EVI5: variants seen among roughly 807,000 people sequenced by gnomAD.
EVI5 encodes the protein ecotropic viral integration site 5, also known as ecotropic viral integration site 5 protein homolog.
EVI5 carries 73 observed loss-of-function variants against 112.0 expected under a neutral mutation model. The observed-to-expected ratio is 0.65, with a 90% CI of 0.54 to 0.79. The LOEUF (loss-of-function observed/expected upper bound fraction) is 0.79, where lower values mean the gene tolerates loss of function less well. Ranked by LOEUF, EVI5 falls within the 30% of genes least tolerant of loss-of-function variation. The pLI is 0.00. For missense variants in EVI5, 900 were observed against 968.8 expected (o/e 0.93, Z 0.94); for synonymous variants, 305 against 319.9 (o/e 0.95, Z 0.50).
At position 92,719,143 on chromosome 1, in the gene EVI5, T is replaced by C. The variant is rs188180521; in HGVS notation, c.150-14399A>G. On this transcript the variant is annotated intron_variant, in intron 2 of 19. Transcript: ENST00000684568. ...AAAGAGGAGATGGTACCATTTCTTC[T>C]GAAAATATTCCAATCAATAGAAAAA... 9.3e-5 allele frequency among the ~76,000 whole-genome samples: 14 copies of C among 150,876 alleles called. No homozygotes were observed. In the East Asian group the frequency reaches 2.7e-3, roughly 29 times the overall value.
At chr1:92,666,161 G>A (rs898649739) in intron 10 of EVI5, among the ~76,000 whole-genome samples, 169 bp from the exon 11 acceptor site, 1 of 151,952 alleles carries the variant, frequency 6.6e-6, no homozygotes, top group Non-Finnish European at 1.5e-5. Flanking sequence ...CAGAAGGCAG[G>A]GCACCATGGT....
At chr1:92,780,151 G>C (rs927177352) in intron 1 of EVI5, among the ~76,000 whole-genome samples, 3 of 152,204 alleles carry the variant, frequency 2.0e-5, no homozygotes, top group African/African-American at 7.2e-5. Context: ...TGGTTTTACA[G>C]GGGGCTTCAC....
intron 16 of EVI5, among the ~76,000 whole-genome samples, chr1:92,623,102 C>A (rs1157750897): frequency 6.6e-6 from 1 of 151,992 alleles, no homozygotes; most frequent in Non-Finnish European, 1.5e-5. Flanking sequence ...AGTATCTATA[C>A]TAAAATAAAA....
chr1:92,613,225 A>G (rs892560269), intron 16 of EVI5, among the ~76,000 whole-genome samples: 3 of 152,222 alleles, frequency 2.0e-5, no homozygotes, highest in Admixed American at 1.3e-4. Flanking sequence ...GGTGGGCAGG[A>G]GCACTAAAGA....
At chr1:92,687,395 T>C (rs540089379) in intron 9 of EVI5, among the ~76,000 whole-genome samples, 194 of 152,060 alleles carry the variant, frequency 1.3e-3, no homozygotes, top group Non-Finnish European at 2.5e-3. Flanking sequence ...TAATTCAAGA[T>C]GGATTAAAGA....
intron 9 of EVI5, among the ~76,000 whole-genome samples, chr1:92,681,525 G>C (rs1297568577): frequency 6.6e-6 from 1 of 152,088 alleles, no homozygotes; most frequent in Non-Finnish European, 1.5e-5. Context: ...ATGTAGTAAG[G>C]GAACCTATGA....
At chr1:92,540,472 A>T (rs1166546052) in intron 19 of EVI5, among the ~76,000 whole-genome samples, 1 of 152,222 alleles carries the variant, frequency 6.6e-6, no homozygotes, top group Non-Finnish European at 1.5e-5. Context: ...GCCATCTGGT[A>T]TATCATTTTT....
chr1:92,615,063 G>C (rs1318074471), intron 16 of EVI5, among the ~76,000 whole-genome samples: 1 of 151,834 alleles, frequency 6.6e-6, no homozygotes, highest in Non-Finnish European at 1.5e-5. Context: ...AAAATGCTAA[G>C]GACTCTACTT....
intron 18 of EVI5, among the ~76,000 whole-genome samples, chr1:92,583,811 A>G (rs1672352808): frequency 6.6e-6 from 1 of 151,448 alleles, no homozygotes; most frequent in African/African-American, 2.4e-5. Flanking sequence ...AAATTTTCAC[A>G]TATTAACTTT....
At chr1:92,515,115 T>A (rs1659657803) in intron 19 of EVI5, among the ~76,000 whole-genome samples, 1 of 152,192 alleles carries the variant, frequency 6.6e-6, no homozygotes, top group African/African-American at 2.4e-5. Flanking sequence ...TCATCTCTTT[T>A]CCCTTTCTTC....
intron 1 of EVI5, among the ~76,000 whole-genome samples, chr1:92,762,948 A>C (rs1466179364): frequency 6.6e-6 from 1 of 152,120 alleles, no homozygotes; most frequent in Non-Finnish European, 1.5e-5. Context: ...TGAAAACTGC[A>C]CTTGTACCCC....
intron 9 of EVI5, among the ~76,000 whole-genome samples, chr1:92,680,052 A>G (rs1667348462): frequency 6.6e-6 from 1 of 152,144 alleles, no homozygotes. Flanking sequence ...TTACTGGAAA[A>G]TACTCATAAT....
At chr1:92,560,851 C>T (rs1232842545) in intron 19 of EVI5, among the ~76,000 whole-genome samples, 1 of 150,310 alleles carries the variant, frequency 6.7e-6, no homozygotes, top group East Asian at 2.0e-4. Flanking sequence ...AGGCATGAGC[C>T]ATTGCACCCA....
At chr1:92,636,399 C>G (rs907217800) in intron 13 of EVI5, 63 bp from the exon 14 acceptor site, 3 of 1,366,670 alleles carry the variant, frequency 2.2e-6, no homozygotes, top group African/African-American at 1.4e-5. Context: ...ACAATAAAAA[C>G]AATGCAACCA....
At chr1:92,765,172 A>G (rs959222885) in intron 1 of EVI5, among the ~76,000 whole-genome samples, 7 of 148,450 alleles carry the variant, frequency 4.7e-5, no homozygotes, top group African/African-American at 1.7e-4. Context: ...TTCCTTATAT[A>G]TATCTTCAAT....
rs769264438 is a variant in EVI5, at chr1:92,513,714, T to A, written c.2423A>T (p.Gln808Leu). ...CGGGGGCCGCTCCTTTTGAACCACT[T>A]GGTTGCTCTCTCTGGTCTCCAGCAC... ...DSVLETRESN[Q>L]VVQKERPPRR... is the part of the protein sequence containing the mutation. Residue 808 changes from glutamine to leucine, a missense_variant, in exon 20 of 20, where the codon CAA becomes CTA. Transcript: ENST00000684568. The A allele has an allele frequency of 1.2e-6, 2 of 1,613,594 alleles. No individual in the cohort carries two copies. The highest frequency in any genetic ancestry group is 1.7e-6 in the Non-Finnish European group (2 of 1,179,784).
chr1:92,625,853 C>T lies in EVI5; in HGVS notation c.1609G>A (p.Ala537Thr). ...LIAVKLREAE[A>T]IMGLKELRQQ... is the part of the protein sequence containing the mutation. ...CTAAGTTCTTTCAAACCCATAATGGCTTCTGCTTCTCTAAGTTTCACAGCA... is the reference window on the plus strand; with the variant it reads ...CTAAGTTCTTTCAAACCCATAATGGTTTCTGCTTCTCTAAGTTTCACAGCA... Residue 537 changes from alanine (A) to threonine (T), a missense_variant, in exon 15 of 20, where the codon GCC becomes ACC. Coordinates refer to ENST00000684568, the MANE Select transcript of EVI5 (RefSeq NM_001350197.2). The T allele has an allele frequency of 1.2e-6, 2 of 1,612,528 alleles. No individual in the cohort carries two copies. The highest frequency in any genetic ancestry group is 1.7e-6 in the Non-Finnish European group (2 of 1,178,694).
At chr1:92,783,139 T>C (rs1034354700) in intron 1 of EVI5, among the ~76,000 whole-genome samples, 23 of 152,264 alleles carry the variant, frequency 1.5e-4, no homozygotes, top group Middle Eastern at 3.4e-3. Flanking sequence ...CATTTAGAAT[T>C]GTGAACTTTT....
rs544659829 is a variant in EVI5, at chr1:92,649,892, T to C, written c.1392+12827A>G. On this transcript the variant is annotated intron_variant, in intron 13 of 19. Transcript: ENST00000684568. ...TATGTTAGGCATCTAATTTCATTCTTTAGCAGGAGAATATCCAGTTTTCCC... is the reference window on the plus strand; with the variant it reads ...TATGTTAGGCATCTAATTTCATTCTCTAGCAGGAGAATATCCAGTTTTCCC... 1.1e-4 allele frequency among the ~76,000 whole-genome samples: 17 copies of C among 152,350 alleles called. No individual in the cohort carries two copies. In the South Asian group the frequency reaches 3.5e-3, roughly 32 times the overall value.
Sources: gnomAD v4.1 joint callset for allele counts (sites outside exome capture counted in the v4.1 genomes callset) on GRCh38, gnomAD v4.1.1 for gene constraint, MANE v1.5 for transcripts, NCBI Gene and HGNC (gene_info 2026-07-23, HGNC 2026-07-21) for gene names.